Variants in SESN3 observed in about 807,000 individuals in gnomAD.
SESN3 encodes the protein sestrin-3.
In SESN3, 21 loss-of-function variants were observed where a neutral mutation model predicts 55.3. The observed-to-expected ratio is 0.38, with a 90% CI of 0.27 to 0.55. The LOEUF (loss-of-function observed/expected upper bound fraction) is 0.55, where lower values mean the gene tolerates loss of function less well. SESN3 is among the 20% of genes least tolerant of loss of function. SESN3 has a pLI of 0.76. For missense variants in SESN3, 408 were observed against 604.3 expected, an observed-to-expected ratio of 0.68 and a Z score of 3.41; for synonymous variants, 181 against 203.1, an observed-to-expected ratio of 0.89 and a Z score of 0.93.
chr11:95,185,523 T>A, intron 4 of SESN3, 31 bp from the exon 5 acceptor site: 1 of 1,382,002 alleles, frequency 7.2e-7, no homozygotes, highest in Non-Finnish European at 1.0e-6. Flanking sequence ...AGAGCAAATA[T>A]AAAAATTCTA....
At chr11:95,180,680 T>C (rs1860043485) in intron 6 of SESN3, among the ~76,000 whole-genome samples, 1 of 152,152 alleles carries the variant, frequency 6.6e-6, no homozygotes, top group African/African-American at 2.4e-5. Flanking sequence ...AGAAATACAA[T>C]GTGTAGATGT....
At chr11:95,191,642 A>AT in intron 2 of SESN3, 41 bp from the exon 3 acceptor site, 1 of 1,488,924 alleles carries the variant, frequency 6.7e-7, no homozygotes, top group Non-Finnish European at 9.4e-7. Flanking sequence ...CTATTGAGAC[A>AT]TAAACACACC....
chr11:95,179,918 A>G (rs192485513), intron 6 of SESN3, among the ~76,000 whole-genome samples: 6 of 152,322 alleles, frequency 3.9e-5, no homozygotes, highest in Admixed American at 1.3e-4. Context: ...TGATGACATT[A>G]ACAATTTACC....
chr11:95,182,268 C>T, intron 6 of SESN3: 1 of 208,282 alleles, frequency 4.8e-6, no homozygotes, highest in South Asian at 6.0e-5. Context: ...ATATTACTAA[C>T]TTTAATATAA....
intron 1 of SESN3, among the ~76,000 whole-genome samples, chr11:95,208,234 T>C (rs1041494478): frequency 6.6e-6 from 1 of 151,428 alleles, no homozygotes; most frequent in Non-Finnish European, 1.5e-5. Flanking sequence ...CAAAATAATG[T>C]ATGGACTTGT....
At chr11:95,223,844 T>C (rs1860902489) in intron 1 of SESN3, among the ~76,000 whole-genome samples, 2 of 152,204 alleles carry the variant, frequency 1.3e-5, no homozygotes, top group South Asian at 4.1e-4. Flanking sequence ...TAAAAATTAT[T>C]GGGGACCCCA....
intron 1 of SESN3, among the ~76,000 whole-genome samples, chr11:95,199,241 T>TA (rs1420845887): frequency 6.6e-6 from 1 of 152,082 alleles, no homozygotes; most frequent in African/African-American, 2.4e-5. Flanking sequence ...AAACTAGTTA[T>TA]AAAATAGGAA....
intron 1 of SESN3, among the ~76,000 whole-genome samples, chr11:95,211,577 C>T (rs775046206): frequency 4.6e-5 from 7 of 152,092 alleles, no homozygotes; most frequent in Non-Finnish European, 1.0e-4. Flanking sequence ...ACCAGCCTGG[C>T]CAATATGGTG....
At chr11:95,197,378 C>A (rs1860380047) in intron 1 of SESN3, among the ~76,000 whole-genome samples, 1 of 151,956 alleles carries the variant, frequency 6.6e-6, no homozygotes, top group African/African-American at 2.4e-5. Flanking sequence ...GCTTTCTTAC[C>A]TCTTTGCACA....
intron 1 of SESN3, among the ~76,000 whole-genome samples, chr11:95,213,117 T>C (rs1409934074): frequency 6.6e-6 from 1 of 151,642 alleles, no homozygotes; most frequent in Non-Finnish European, 1.5e-5. Context: ...TTTTTTTAAA[T>C]GAAAACAAAA....
intron 1 of SESN3, among the ~76,000 whole-genome samples, chr11:95,218,904 G>A (rs916208538): frequency 4.9e-4 from 74 of 152,130 alleles, no homozygotes; most frequent in African/African-American, 1.8e-3. Context: ...CGCCCGCCTC[G>A]GCCTCCCAAA....
chr11:95,177,958 A>C, intron 7 of SESN3, 49 bp from the exon 8 acceptor site: 4 of 1,226,868 alleles, frequency 3.3e-6, no homozygotes, highest in Non-Finnish European at 4.6e-6. Context: ...TTTCCATCTA[A>C]ATTCTATGTA....
chr11:95,176,487 A>T lies in SESN3; in HGVS notation c.1248-845T>A, dbSNP rs190881879. 2.2e-4 allele frequency among the ~76,000 whole-genome samples: 34 copies of T among 152,300 alleles called. No homozygotes were observed. In the South Asian group the frequency reaches 5.8e-3, roughly 26 times the overall value. Reference sequence around the variant, plus strand: ...AGAAGGGAGCATTGCTAGAACTGAGATCTTTAGAAAATGAGAAATGGGATT... The same window carrying T: ...AGAAGGGAGCATTGCTAGAACTGAGTTCTTTAGAAAATGAGAAATGGGATT... On this transcript the variant is annotated intron_variant, in intron 8 of 9. Coordinates refer to ENST00000536441, the MANE Select transcript of SESN3 (RefSeq NM_144665.4).
At position 95,230,279 on chromosome 11, in the gene SESN3, G is replaced by A. The variant is rs1030065399; in HGVS notation, c.78+504C>T. ...CTACCATCCAAACAATTTGAAAACG[G>A]GGGTTGTTGAGCAAGGCGCGCAAGG... On this transcript the variant is annotated intron_variant, in intron 1 of 9. Transcript: ENST00000536441. This position sits in a 1 kb window ranked among gnomAD's most constrained non-coding sequence, Gnocchi z 4.6. The A allele has an allele frequency of 1.3e-5, 2 of 155,116 alleles. No individual in the cohort carries two copies. Among genetic ancestry groups the A allele is most frequent in the African/African-American group, 4.8e-5 (2 of 41,474 alleles). The allele number at this position is 155,116 out of a possible 1,614,324, so 9.6% of individuals were successfully genotyped here.
At chr11:95,198,888 G>T (rs1378787545) in intron 1 of SESN3, among the ~76,000 whole-genome samples, 1 of 151,392 alleles carries the variant, frequency 6.6e-6, no homozygotes, top group Non-Finnish European at 1.5e-5. Flanking sequence ...ATATAAAATG[G>T]CTACAAAATC....
intron 1 of SESN3, among the ~76,000 whole-genome samples, chr11:95,211,765 G>A (rs571149422): frequency 1.7e-4 from 26 of 151,454 alleles, no homozygotes; most frequent in African/African-American, 5.3e-4. Flanking sequence ...GCAAAACTCC[G>A]TCTCAAAAAA....
rs1861024367 is a variant in SESN3 at position 95,230,078 on chromosome 11, T to C, written c.78+705A>G. ...AATAAACTGATGGTGCGCCTCATTT[T>C]TCTGGATCAACACGGGGGCAGGGGG... On this transcript the variant is annotated intron_variant, in intron 1 of 9. Coordinates refer to ENST00000536441, the MANE Select transcript of SESN3 (RefSeq NM_144665.4). This position sits in a 1 kb window ranked among gnomAD's most constrained non-coding sequence, Gnocchi z 4.6. 1 of 151,664 alleles carries C rather than the reference T, an allele frequency of 6.6e-6. No individual in the cohort carries two copies. The highest frequency in any genetic ancestry group is 6.6e-5 in the Admixed American group (1 of 15,198). The allele number at this position is 151,664 out of a possible 1,614,324, so 9.4% of individuals were successfully genotyped here. A position where few individuals can be genotyped will look rare whatever the true frequency, so the allele number is the denominator to read the frequency against.
At chr11:95,224,408 A>G (rs1211666328) in intron 1 of SESN3, 1 of 414,786 alleles carries the variant, frequency 2.4e-6, no homozygotes, top group African/African-American at 2.1e-5. Context: ...AACTGACAAC[A>G]ATCATTGTCA....
At chr11:95,180,115 A>C (rs184656336) in intron 6 of SESN3, among the ~76,000 whole-genome samples, 24 of 152,302 alleles carry the variant, frequency 1.6e-4, no homozygotes, top group Admixed American at 1.6e-3. Flanking sequence ...AAAAGAACAA[A>C]CTAGCTATTT....
Sources: gnomAD v4.1 joint callset for allele counts (sites outside exome capture counted in the v4.1 genomes callset) on GRCh38, gnomAD v4.1.1 for gene constraint, Gnocchi (gnomAD v3.1) non-coding constraint, MANE v1.5 for transcripts, NCBI Gene and HGNC (gene_info 2026-07-23, HGNC 2026-07-21) for gene names.